Variants in SMCO2 observed in about 807,000 individuals in gnomAD.
SMCO2 encodes the protein single-pass membrane protein with coiled-coil domains 2.
A neutral mutation model predicts 29.5 loss-of-function variants in SMCO2; 25 were observed. That is an observed-to-expected ratio of 0.85 (90% CI 0.62 to 1.18). The LOEUF (loss-of-function observed/expected upper bound fraction) is 1.18, where lower values mean the gene tolerates loss of function less well. SMCO2 is among the 50% of genes most tolerant of loss of function. The pLI is 0.00. For synonymous variants in SMCO2, 117 were observed against 123.3 expected, an observed-to-expected ratio of 0.95 and a Z score of 0.34; for missense variants, 348 against 344.5, an observed-to-expected ratio of 1.01 and a Z score of -0.08.
the SMCO2 span, among the ~76,000 whole-genome samples, chr12:27,458,389 T>C: frequency 8.6e-4 from 131 of 152,362 alleles, 1 homozygote; most frequent in Middle Eastern, 0.01. Context: ...AAGGGACTGA[T>C]AAGCATAAGT....
chr12:27,489,189 C>T (rs559959757), intron 5 of SMCO2, among the ~76,000 whole-genome samples: 75 of 152,182 alleles, frequency 4.9e-4, no homozygotes, highest in African/African-American at 1.6e-3. Context: ...GCTGGGATTA[C>T]GGGTGTGTGC....
intron 6 of SMCO2, 134 bp downstream of exon 7, chr12:27,494,490 A>ATTATTT (rs990064973): frequency 4.8e-5 from 5 of 104,906 alleles, no homozygotes; most frequent in Non-Finnish European, 8.6e-5. Flanking sequence ...AATTTAATTT[A>ATTATTT]TTATTATTAT....
the SMCO2 span, among the ~76,000 whole-genome samples, chr12:27,429,478 C>A: frequency 1.4e-5 from 2 of 147,150 alleles, no homozygotes; most frequent in African/African-American, 2.5e-5. Flanking sequence ...CATAAAATTA[C>A]AAAAAAAAAA....
intron 4 of SMCO2, 32 bp from the exon 6 acceptor site, chr12:27,488,428 C>A: frequency 1.4e-6 from 2 of 1,404,612 alleles, no homozygotes; most frequent in Non-Finnish European, 1.9e-6. Flanking sequence ...TTTTCTTAAT[C>A]TGCAGGCCTT....
intron 4 of SMCO2, 97 bp downstream of exon 4, chr12:27,475,010 A>T (rs1002711107): frequency 1.4e-6 from 2 of 1,404,600 alleles, no homozygotes; most frequent in African/African-American, 1.4e-5. Context: ...GAAGATTTAA[A>T]ATCCATACAT....
chr12:27,434,995 A>C, the SMCO2 span, among the ~76,000 whole-genome samples: 1 of 152,028 alleles, frequency 6.6e-6, no homozygotes, highest in Non-Finnish European at 1.5e-5. Context: ...AGACCTTCAC[A>C]TTCTCTTTCA....
intron 4 of SMCO2, among the ~76,000 whole-genome samples, chr12:27,486,052 A>C (rs1461639318): frequency 6.6e-6 from 1 of 152,174 alleles, no homozygotes; most frequent in African/African-American, 2.4e-5. Context: ...TGAGTATTAT[A>C]AGAGTTTTCC....
At chr12:27,438,314 C>T in the SMCO2 span, among the ~76,000 whole-genome samples, 1 of 152,282 alleles carries the variant, frequency 6.6e-6, no homozygotes, top group South Asian at 2.1e-4. Context: ...TTCATCCACT[C>T]CTATAGCTTT....
chr12:27,501,424 A>AC lies in SMCO2; in HGVS notation c.684-499_684-498insC, dbSNP rs1218060443. On this transcript the variant is annotated intron_variant, in intron 7 of 7. Transcript: ENST00000298876. ...GAGTGAGACTCCGTCTCAAAAAAAAAAAAAAAAAAAAAACAAACAAACAAA... is the reference window on the plus strand; with the variant it reads ...GAGTGAGACTCCGTCTCAAAAAAAAACAAAAAAAAAAAAACAAACAAACAAA... Among the ~76,000 whole-genome samples the AC allele has an allele frequency of 2.3e-4, 34 of 145,754 alleles. 2 individuals carry two copies. Among genetic ancestry groups the AC allele is most frequent in the Admixed American group, 1.3e-4 (2 of 14,868 alleles).
At position 27,485,407 on chromosome 12, in the gene SMCO2, A is replaced by G. The variant is rs568047252; in HGVS notation, c.363-3053A>G. Among the ~76,000 whole-genome samples, 16 of 150,178 alleles carry G rather than the reference A, an allele frequency of 1.1e-4. 1 individual carries two copies. Among genetic ancestry groups the G allele is most frequent in the South Asian group, 6.4e-4 (3 of 4,710 alleles). On this transcript the variant is annotated intron_variant, in intron 4 of 7. Transcript: ENST00000298876. Reference sequence around the variant, plus strand: ...TAAAATAACCTTATCTACTAATTCTATCATCTAATCATTTTTAATACTGCC... The same window carrying G: ...TAAAATAACCTTATCTACTAATTCTGTCATCTAATCATTTTTAATACTGCC...
chr12:27,474,913 T>C (rs1433191202), exon 4 of SMCO2: 1 of 1,550,822 alleles, frequency 6.4e-7, no homozygotes, highest in Non-Finnish European at 8.7e-7. Flanking sequence ...CTCCTTGAAC[T>C]GTAAGTCTTG....
chr12:27,495,177 C>T (rs1295439748), intron 6 of SMCO2, among the ~76,000 whole-genome samples: 1 of 152,124 alleles, frequency 6.6e-6, no homozygotes, highest in East Asian at 1.9e-4. Flanking sequence ...CATCACCAAA[C>T]CTCAGACACT....
At chr12:27,484,871 A>AATAT (rs775572569) in intron 4 of SMCO2, among the ~76,000 whole-genome samples, 173 of 77,086 alleles carry the variant, frequency 2.2e-3, no homozygotes, top group Middle Eastern at 8.5e-3. Flanking sequence ...AAAAAAAAAA[A>AATAT]ATATATATAT....
the SMCO2 span, among the ~76,000 whole-genome samples, chr12:27,431,524 G>A: frequency 2.0e-5 from 3 of 152,086 alleles, no homozygotes; most frequent in Admixed American, 2.0e-4. Context: ...TTTTGTGACT[G>A]GATTTCTCTT....
At chr12:27,430,000 A>G in the SMCO2 span, among the ~76,000 whole-genome samples, 3 of 152,334 alleles carry the variant, frequency 2.0e-5, no homozygotes, top group East Asian at 5.8e-4. Flanking sequence ...AGTTTATACT[A>G]AAGTCTTTGA....
At chr12:27,477,577 T>C (rs1418592385) in intron 4 of SMCO2, among the ~76,000 whole-genome samples, 1 of 10,952 alleles carries the variant, frequency 9.1e-5, no homozygotes, top group Non-Finnish European at 1.3e-4. Context: ...TATCCAAATA[T>C]TGGTTTCCTT....
chr12:27,490,861 G>A (rs1281405048), intron 5 of SMCO2, among the ~76,000 whole-genome samples: 1 of 152,166 alleles, frequency 6.6e-6, no homozygotes, highest in African/African-American at 2.4e-5. Flanking sequence ...TCTGGACTCA[G>A]GAGGTCAAGG....
intron 2 of SMCO2, 145 bp from the exon 3 acceptor site, chr12:27,472,631 C>A: frequency 1.9e-6 from 1 of 534,458 alleles, no homozygotes; most frequent in Admixed American, 3.5e-5. Context: ...GTTATTCACC[C>A]AGAAAGAACT....
intron 4 of SMCO2, among the ~76,000 whole-genome samples, chr12:27,483,704 C>T (rs148581409): frequency 2.8e-3 from 421 of 152,214 alleles, no homozygotes; most frequent in African/African-American, 9.4e-3. Context: ...AGATTATAGG[C>T]GTGAACCGTT....
Sources: allele counts gnomAD v4.1 joint callset (sites outside exome capture counted in the v4.1 genomes callset), GRCh38; gene constraint gnomAD v4.1.1; transcripts MANE v1.5; gene names NCBI Gene and HGNC (gene_info 2026-07-23, HGNC 2026-07-21).